The following NUCB2 variants were observed in gnomAD, a reference collection of about 807,000 sequenced individuals.
NUCB2 encodes the protein nucleobindin 2.
Under a neutral mutation model 57.9 loss-of-function variants are expected in NUCB2, and 48 were observed. The ratio of observed to expected loss-of-function variants is 0.83; its 90% CI spans 0.66 to 1.05. NUCB2 has a LOEUF of 1.05. NUCB2 is among the 50% of genes least tolerant of loss of function. NUCB2 has a pLI of 0.00. For missense variants in NUCB2, 442 were observed against 476.2 expected (o/e 0.93, Z 0.67); for synonymous variants, 139 against 152.1 (o/e 0.91, Z 0.64).
rs180692922 is a variant in NUCB2 at position 17,280,946 on chromosome 11, C to T, written c.-155-1843C>T. 3.9e-5 allele frequency among the ~76,000 whole-genome samples: 6 copies of T among 152,050 alleles called. No individual in the cohort carries two copies. The East Asian group carries it at 5.8e-4, about 15-fold the overall frequency. The stretch of plus-strand genomic sequence containing the variant: ...GTTCCAGCTACTCTGGAGGCTGAGG[C>T]GGAAGGATGGCTTGAGCCTGGGAGG... On this transcript the variant is annotated intron_variant, in intron 1 of 13. Coordinates refer to ENST00000529010, the MANE Select transcript of NUCB2 (RefSeq NM_005013.4).
chr11:17,307,665 A>G (rs562875171), intron 5 of NUCB2, among the ~76,000 whole-genome samples: 68 of 152,292 alleles, frequency 4.5e-4, no homozygotes, highest in African/African-American at 1.6e-3. Context: ...ATATGGATAT[A>G]CTATAATTTA....
At chr11:17,344,709 A>G (rs1952579443) in intron 2 of NUCB2, among the ~76,000 whole-genome samples, 4 of 152,226 alleles carry the variant, frequency 2.6e-5, no homozygotes, top group Non-Finnish European at 5.9e-5. Context: ...AGGTGACTAT[A>G]TTAAAACAGG....
chr11:17,303,344 A>C (rs1184233489), intron 5 of NUCB2, among the ~76,000 whole-genome samples: 5 of 152,184 alleles, frequency 3.3e-5, no homozygotes, highest in Non-Finnish European at 7.4e-5. Flanking sequence ...ATACTATCTC[A>C]TGACAGTTGG....
exon 2 of NUCB2, chr11:17,337,526 G>C (rs1431511335): frequency 2.6e-5 from 4 of 152,160 alleles, no homozygotes; most frequent in Non-Finnish European, 5.9e-5. Flanking sequence ...TTGGAATTGG[G>C]ATACTAAGGT....
intron 2 of NUCB2, 130 bp downstream of exon 2, chr11:17,283,073 T>C (rs1398623214): frequency 6.6e-6 from 1 of 152,220 alleles, no homozygotes; most frequent in Non-Finnish European, 1.5e-5. Context: ...TTATTTTTTA[T>C]ATAAAATAAT....
chr11:17,310,842 A>G lies in NUCB2; in HGVS notation c.501A>G (p.Glu167=), dbSNP rs751217552. ...CATTTCAGGCAACAAGTGATCTGGA[A>G]CACTATGACAAGACTCGTCATGAAG... ...MLIKAATSDL[E]HYDKTRHEEF... The change falls in exon 7 of 14, where the codon GAA becomes GAG. Residue 167 remains glutamate, a synonymous_variant. Transcript: ENST00000529010. 3 of 1,584,166 alleles carry G rather than the reference A, an allele frequency of 1.9e-6. No homozygotes were observed. The highest frequency in any genetic ancestry group is 2.6e-6 in the Non-Finnish European group (3 of 1,172,528).
rs1951427176 is a variant in NUCB2 at position 17,331,714 on chromosome 11, T to C, written c.*295T>C. ...GATTTAATTAAGTGGCTTTATGCCA[T>C]AATTTAGTGAAACTATTAGGAACTA... On this transcript the variant is annotated 3_prime_UTR_variant, in exon 14 of 14. Transcript: ENST00000529010. 1 of 287,544 alleles carries C rather than the reference T, an allele frequency of 3.5e-6. No individual in the cohort carries two copies. Among genetic ancestry groups the C allele is most frequent in the Non-Finnish European group, 6.4e-6 (1 of 156,984 alleles). 17.8% of individuals were successfully genotyped at this position (287,544 alleles called of 1,614,324 possible).
At chr11:17,314,277 C>A (rs528363378) in intron 10 of NUCB2, among the ~76,000 whole-genome samples, 1 of 152,172 alleles carries the variant, frequency 6.6e-6, no homozygotes, top group East Asian at 1.9e-4. Context: ...CTATTCCTTA[C>A]CCCACTGCAG....
At chr11:17,277,713 T>C (rs774278382) in intron 1 of NUCB2, among the ~76,000 whole-genome samples, 3 of 152,318 alleles carry the variant, frequency 2.0e-5, no homozygotes, top group Non-Finnish European at 4.4e-5. Flanking sequence ...CTAAAAGATA[T>C]TACCTTGGTT....
At chr11:17,336,804 T>C (rs539985976), downstream of NUCB2, among the ~76,000 whole-genome samples, 1 of 146,286 alleles carries the variant, frequency 6.8e-6, no homozygotes, top group South Asian at 2.2e-4. Flanking sequence ...GACATAGATA[T>C]ATGTTTTTTA....
chr11:17,344,121 CTGAT>C (rs1952523084), intron 2 of NUCB2, among the ~76,000 whole-genome samples: 2 of 152,146 alleles, frequency 1.3e-5, no homozygotes, highest in South Asian at 4.1e-4. Flanking sequence ...TTACTCCTCT[CTGAT>C]TGAGTGAACC....
In NUCB2 at chr11:17,315,386, G is replaced by T; in HGVS notation, c.913G>T (p.Val305Phe). Residue 305 changes from valine to phenylalanine, a missense_variant and splice_region_variant, in exon 11 of 14, where the codon GTT becomes TTT. By Grantham distance (50) the Val-to-Phe change is conservative (BLOSUM62 -1). Coordinates refer to ENST00000529010, the MANE Select transcript of NUCB2 (RefSeq NM_005013.4). ...TATGTATACATTTTGTTTTAATCAGGTTGATACTAACAAAGACAGATTGGT... is the reference window on the plus strand; with the variant it reads ...TATGTATACATTTTGTTTTAATCAGTTTGATACTAACAAAGACAGATTGGT... ...LRMREHVMNE[V>F]DTNKDRLVTL... 1.9e-6 allele frequency: 3 copies of T among 1,582,306 alleles called. No individual in the cohort carries two copies. The highest frequency in any genetic ancestry group is 1.7e-4 in the Middle Eastern group (1 of 5,842).
At chr11:17,302,007 C>A in intron 5 of NUCB2, 137 bp downstream of exon 5, 1 of 642,822 alleles carries the variant, frequency 1.6e-6, no homozygotes. Context: ...TCAAGTGATC[C>A]TCCCATCTCA....
intron 5 of NUCB2, among the ~76,000 whole-genome samples, chr11:17,307,810 A>G (rs1177505753): frequency 6.6e-6 from 1 of 152,118 alleles, no homozygotes; most frequent in Non-Finnish European, 1.5e-5. Context: ...AATTATATAT[A>G]TATATTTGTA....
At chr11:17,335,757 C>T (rs967522653), downstream of NUCB2, among the ~76,000 whole-genome samples, 22 of 152,340 alleles carry the variant, frequency 1.4e-4, no homozygotes, top group African/African-American at 5.3e-4. Flanking sequence ...GCCTTGGCCT[C>T]CCAAAGTGCT....
chr11:17,347,875 T>A (rs1952869464), intron 2 of NUCB2, among the ~76,000 whole-genome samples: 1 of 152,228 alleles, frequency 6.6e-6, no homozygotes, highest in African/African-American at 2.4e-5. Flanking sequence ...TGACTGGTGC[T>A]GGTCTATGCC....
intron 2 of NUCB2, among the ~76,000 whole-genome samples, chr11:17,292,155 AT>A (rs1279714233): frequency 6.6e-6 from 1 of 152,016 alleles, no homozygotes; most frequent in Non-Finnish European, 1.5e-5. Context: ...CTTATTTAAA[AT>A]TTTTTTTATT....
In NUCB2 at chr11:17,341,253, A is replaced by G. The variant is rs1252965203; in HGVS notation, n.2626+3719A>G. On this transcript the variant is annotated intron_variant and non_coding_transcript_variant, in intron 2 of 2. Transcript: ENST00000532240. ...GGTTTTCTAGATATACAATCATGTC[A>G]TCTGCAAACAGGGACAATTTGACTT... 2.0e-5 allele frequency among the ~76,000 whole-genome samples: 3 copies of G among 152,056 alleles called. No homozygotes were observed. In the East Asian group the frequency reaches 5.8e-4, roughly 29 times the overall value.
At chr11:17,294,968 A>T (rs1487470602) in intron 2 of NUCB2, among the ~76,000 whole-genome samples, 1 of 152,106 alleles carries the variant, frequency 6.6e-6, no homozygotes, top group Non-Finnish European at 1.5e-5. Context: ...GAATCGCTTG[A>T]ACCCAGGAGG....
Sources: gnomAD v4.1 joint callset for allele counts (sites outside exome capture counted in the v4.1 genomes callset) on GRCh38, gnomAD v4.1.1 for gene constraint, MANE v1.5 for transcripts, NCBI Gene and HGNC (gene_info 2026-07-23, HGNC 2026-07-21) for gene names.